The following MON2 variants were observed in gnomAD, a reference collection of about 807,000 sequenced individuals.
The protein encoded by MON2 is protein MON2 homolog.
In MON2, 84 loss-of-function variants were observed where a neutral mutation model predicts 208.6. The observed-to-expected ratio is 0.40, with a 90% CI of 0.34 to 0.48. MON2 has a LOEUF of 0.48. Ranked by LOEUF, MON2 falls within the 20% of genes least tolerant of loss-of-function variation. MON2 has a pLI of 0.59. For missense variants in MON2, 1,611 were observed against 2,015.4 expected, an observed-to-expected ratio of 0.80 and a Z score of 3.84; for synonymous variants, 660 against 694.0, an observed-to-expected ratio of 0.95 and a Z score of 0.77.
rs770469128 is a variant in MON2, at chr12:62,547,122, T to C, written c.2753+50T>C. The C allele has an allele frequency of 4.3e-5, 51 of 1,178,084 alleles. No individual in the cohort carries two copies. In the African/African-American group the frequency reaches 6.6e-4, roughly 15 times the overall value. The allele number at this position is 1,178,084 out of a possible 1,614,324, so 73.0% of individuals were successfully genotyped here. A position where few individuals can be genotyped will look rare whatever the true frequency, so the allele number is the denominator to read the frequency against. On this transcript the variant is annotated intron_variant, in intron 22 of 34. Coordinates refer to ENST00000393630, the MANE Select transcript of MON2 (RefSeq NM_015026.3). ...AAAAATATGTATGAAAAATAAAATA[T>C]AAATAAAATAAAATTAACATCAAAA...
At position 62,500,824 on chromosome 12, in the gene MON2, A is replaced by G. The variant is rs1474569852; in HGVS notation, c.607A>G (p.Arg203Gly). 3 of 1,597,238 alleles carry G rather than the reference A, an allele frequency of 1.9e-6. No homozygotes were observed. Among genetic ancestry groups the G allele is most frequent in the East Asian group, 2.3e-5 (1 of 43,838 alleles). Residue 203 changes from arginine to glycine, a missense_variant, in exon 6 of 35, where the codon AGA becomes GGA. Coordinates refer to ENST00000393630, the MANE Select transcript of MON2 (RefSeq NM_015026.3). ...AGTACTGGTACAAGGAAATAGTAAC[A>G]GAAGATCTGTCAGTACCCTCAAACC... ...QPVLVQGNSN[R>G]RSVSTLKPCA... is the part of the protein sequence containing the mutation.
Position 62,467,214 on chromosome 12 carries a change from G to C in MON2, c.7G>C (p.Gly3Arg). 1.2e-6 allele frequency: 2 copies of C among 1,612,374 alleles called. No individual in the cohort carries two copies. The highest frequency in any genetic ancestry group is 2.2e-5 in the South Asian group (2 of 91,050). The change falls in exon 1 of 35, where the codon GGC becomes CGC. Residue 3 changes from glycine (G) to arginine (R), a missense_variant. Transcript: ENST00000393630. ...GCTGGGACCTTGGAGGATCATGTCC[G>C]GCACCAGCAGCCCCGAGGCGGTGAA... MS[G>R]TSSPEAVKKL...
chr12:62,519,579 A>G (rs1163310783), intron 8 of MON2, among the ~76,000 whole-genome samples: 1 of 152,208 alleles, frequency 6.6e-6, no homozygotes, highest in Non-Finnish European at 1.5e-5. Flanking sequence ...TTTTAAAGAA[A>G]AAATTATTTT....
intron 2 of MON2, among the ~76,000 whole-genome samples, chr12:62,486,328 T>G (rs2069789441): frequency 6.7e-6 from 1 of 148,314 alleles, no homozygotes; most frequent in Non-Finnish European, 1.5e-5. Flanking sequence ...TCTAATAAAT[T>G]ACTCTTAAGA....
At chr12:62,533,948 C>T (rs1249563296) in intron 12 of MON2, among the ~76,000 whole-genome samples, 10 of 152,184 alleles carry the variant, frequency 6.6e-5, no homozygotes, top group Admixed American at 5.9e-4. Flanking sequence ...AACCTGCTCA[C>T]ATTTTGCTCA....
At chr12:62,481,363 A>G (rs1158919877) in intron 1 of MON2, among the ~76,000 whole-genome samples, 1 of 151,996 alleles carries the variant, frequency 6.6e-6, no homozygotes, top group Non-Finnish European at 1.5e-5. Context: ...CGTCTCTACT[A>G]AAAATACAAA....
In MON2 at chr12:62,537,318, T is replaced by C; in HGVS notation, c.2013+55T>C. 5 of 1,253,108 alleles carry C rather than the reference T, an allele frequency of 4.0e-6. No homozygotes were observed. The South Asian group carries it at 6.6e-5, about 16-fold the overall frequency. The allele number at this position is 1,253,108 out of a possible 1,614,324, so 77.6% of individuals were successfully genotyped here. ...AATTAGCTATCAAGGAAACTTGTTG[T>C]ACCTATCTTTGTGTTTGCCAAAATG... On this transcript the variant is annotated intron_variant, in intron 15 of 34. Coordinates refer to ENST00000393630, the MANE Select transcript of MON2 (RefSeq NM_015026.3).
chr12:62,571,446 A>C lies in MON2; in HGVS notation c.4378A>C (p.Lys1460Gln), dbSNP rs765030373. ...KYSCPSESTW[K>Q]LAVSSLLRVL... Reference sequence around the variant, plus strand: ...TTCCTGCCCTTCTGAAAGCACATGGAAACTAGCAGTATCCTCTCTCCTCAG... The same window carrying C: ...TTCCTGCCCTTCTGAAAGCACATGGCAACTAGCAGTATCCTCTCTCCTCAG... The change falls in exon 30 of 35, where the codon AAA (lysine) becomes CAA (glutamine). Residue 1460 changes from lysine (K) to glutamine (Q), a missense_variant. Transcript: ENST00000393630. 6.2e-7 allele frequency: 1 copy of C among 1,613,298 alleles called. No individual in the cohort carries two copies. The highest frequency in any genetic ancestry group is 1.1e-5 in the South Asian group (1 of 90,992).
At chr12:62,511,482 T>G (rs551204670) in intron 8 of MON2, among the ~76,000 whole-genome samples, 1 of 152,300 alleles carries the variant, frequency 6.6e-6, no homozygotes, top group South Asian at 2.1e-4. Context: ...AAGTGATCTT[T>G]GAAAAGGGTG....
chr12:62,539,743 A>C (rs901083320), intron 19 of MON2, among the ~76,000 whole-genome samples: 19 of 150,892 alleles, frequency 1.3e-4, no homozygotes, highest in African/African-American at 4.4e-4. Flanking sequence ...ATGGCTGGGC[A>C]TGGTGGCTTA....
intron 2 of MON2, among the ~76,000 whole-genome samples, chr12:62,492,532 C>T (rs1296708406): frequency 2.0e-5 from 3 of 149,120 alleles, no homozygotes; most frequent in Admixed American, 6.6e-5. Flanking sequence ...CCACCGCGCC[C>T]GACTAATTTT....
chr12:62,585,091 ACACACACACACACACACAC>A (rs1565714416), intron 32 of MON2, among the ~76,000 whole-genome samples, 184 bp from the exon 33 acceptor site: 7 of 114,034 alleles, frequency 6.1e-5, no homozygotes, highest in African/African-American at 2.2e-4. Context: ...ACACACACAC[ACACACACACACACACACAC>A]AAAACAAAAA....
In MON2 at chr12:62,475,458, AAGAGTGAAACTCTAT is replaced by A. The variant is rs1003460031; in HGVS notation, c.111+8141_111+8155del. Among the ~76,000 whole-genome samples the A allele has an allele frequency of 1.5e-4, 23 of 149,680 alleles. 1 individual carries two copies. In the East Asian group the frequency reaches 4.6e-3, roughly 30 times the overall value. On this transcript the variant is annotated intron_variant, in intron 1 of 34. Coordinates refer to ENST00000393630, the MANE Select transcript of MON2 (RefSeq NM_015026.3). The stretch of plus-strand genomic sequence containing the variant: ...TAATCTAGTAATTTAGCCTGGGTGA[AAGAGTGAAACTCTAT>A]CTTTAAAAAAAAAAATTAATCTTCA...
At chr12:62,539,740 G>T (rs1199261254) in intron 19 of MON2, among the ~76,000 whole-genome samples, 1 of 152,024 alleles carries the variant, frequency 6.6e-6, no homozygotes, top group African/African-American at 2.4e-5. Flanking sequence ...ATTATGGCTG[G>T]GCATGGTGGC....
chr12:62,537,351 C>A, intron 15 of MON2, 88 bp downstream of exon 15: 2 of 912,324 alleles, frequency 2.2e-6, no homozygotes, highest in South Asian at 1.7e-5. Context: ...ATGTGTCATA[C>A]ATTTATTTAC....
At chr12:62,573,706 C>G (rs1260869950) in intron 30 of MON2, among the ~76,000 whole-genome samples, 1 of 150,848 alleles carries the variant, frequency 6.6e-6, no homozygotes, top group African/African-American at 2.4e-5. Flanking sequence ...AGTTTTTCTG[C>G]CATCTTCCTT....
chr12:62,496,897 G>A (rs2070521219), intron 4 of MON2, among the ~76,000 whole-genome samples: 2 of 146,626 alleles, frequency 1.4e-5, no homozygotes, highest in South Asian at 4.5e-4. Context: ...GCAAAGACTT[G>A]GAACCAACCC....
chr12:62,550,003 CAA>C (rs1001923682), intron 23 of MON2, among the ~76,000 whole-genome samples, 173 bp downstream of exon 23: 9 of 152,086 alleles, frequency 5.9e-5, no homozygotes, highest in African/African-American at 1.9e-4. Flanking sequence ...ATATTAATAA[CAA>C]AATGTTTGAA....
chr12:62,567,607 C>T (rs1047598550), intron 29 of MON2, among the ~76,000 whole-genome samples: 12 of 152,160 alleles, frequency 7.9e-5, no homozygotes, highest in African/African-American at 2.9e-4. Context: ...TCTTTCTTCC[C>T]TTGACTTTCA....
Sources: gnomAD v4.1 joint callset for allele counts (sites outside exome capture counted in the v4.1 genomes callset) on GRCh38, gnomAD v4.1.1 for gene constraint, MANE v1.5 for transcripts, NCBI Gene and HGNC (gene_info 2026-07-23, HGNC 2026-07-21) for gene names.